TENM4: variants seen among roughly 807,000 people sequenced by gnomAD.
TENM4 encodes teneurin-4.
Under a neutral mutation model 243.3 loss-of-function variants are expected in TENM4, and 82 were observed. That is an observed-to-expected ratio of 0.34 (90% CI 0.28 to 0.40). TENM4 has a LOEUF of 0.40. Ranked by LOEUF, TENM4 falls within the 10% of genes least tolerant of loss-of-function variation. The pLI is 1.00. For synonymous variants in TENM4, 1,412 were observed against 1,456.3 expected (o/e 0.97, Z 0.69); for missense variants, 3,138 against 3,673.3 (o/e 0.85, Z 3.77).
intron 6 of TENM4, among the ~76,000 whole-genome samples, chr11:78,983,657 T>G (rs894706588): frequency 6.6e-6 from 1 of 152,188 alleles, no homozygotes; most frequent in African/African-American, 2.4e-5. Flanking sequence ...AGCCTGGCAG[T>G]GGGGACACGC....
intron 6 of TENM4, among the ~76,000 whole-genome samples, chr11:78,966,148 C>T (rs1259676823): frequency 6.9e-6 from 1 of 145,316 alleles, no homozygotes. Flanking sequence ...GGGTAAATTA[C>T]TTTGCCCTTT....
At chr11:78,833,124 T>C (rs566649379) in intron 12 of TENM4, among the ~76,000 whole-genome samples, 1 of 148,348 alleles carries the variant, frequency 6.7e-6, no homozygotes, top group African/African-American at 2.6e-5. Flanking sequence ...CTCTGTAGCA[T>C]TAAAATGTTT....
chr11:79,027,826 G>A (rs1344640988), intron 6 of TENM4, among the ~76,000 whole-genome samples: 1 of 152,140 alleles, frequency 6.6e-6, no homozygotes, highest in African/African-American at 2.4e-5. Flanking sequence ...GCTGGTGCCT[G>A]TTGGGCTACA....
chr11:78,854,344 TG>T, intron 11 of TENM4, 30 bp from the exon 12 acceptor site: 2 of 1,471,728 alleles, frequency 1.4e-6, no homozygotes, highest in Non-Finnish European at 9.0e-7. Flanking sequence ...CAGTTAGCAG[TG>T]GGTCTGTTCC....
intron 1 of TENM4, among the ~76,000 whole-genome samples, chr11:79,342,411 G>A (rs1024408758): frequency 3.9e-5 from 6 of 152,168 alleles, no homozygotes; most frequent in African/African-American, 1.4e-4. Context: ...TGGACTTTGT[G>A]GCTAAGACCA....
intron 2 of TENM4, among the ~76,000 whole-genome samples, chr11:79,258,398 A>C (rs1303045648): frequency 6.6e-6 from 1 of 152,208 alleles, no homozygotes; most frequent in Non-Finnish European, 1.5e-5. Flanking sequence ...GCTAGTAGGC[A>C]GTGGGGCCTC....
At chr11:78,815,371 G>A (rs1376648562) in intron 12 of TENM4, among the ~76,000 whole-genome samples, 1 of 150,638 alleles carries the variant, frequency 6.6e-6, no homozygotes, top group African/African-American at 2.4e-5. Flanking sequence ...GGGCAACAGA[G>A]TGAGACTGTG....
chr11:78,748,359 G>A (rs746095926), intron 19 of TENM4, among the ~76,000 whole-genome samples: 22 of 152,184 alleles, frequency 1.4e-4, no homozygotes, highest in Non-Finnish European at 7.3e-5. Context: ...CTTGTCTAAG[G>A]TCACACAGCT....
At chr11:79,180,429 G>A (rs1220745650) in intron 3 of TENM4, among the ~76,000 whole-genome samples, 3 of 151,610 alleles carry the variant, frequency 2.0e-5, no homozygotes, top group Non-Finnish European at 3.0e-5. Flanking sequence ...CAACAGCCAA[G>A]TAGTCAGGCA....
chr11:79,162,262 T>C (rs1201025805), intron 3 of TENM4, among the ~76,000 whole-genome samples: 1 of 152,200 alleles, frequency 6.6e-6, no homozygotes. Flanking sequence ...AGTTACTAGT[T>C]CTGTGATATG....
At chr11:79,220,828 T>A (rs1864141861) in intron 2 of TENM4, among the ~76,000 whole-genome samples, 1 of 152,210 alleles carries the variant, frequency 6.6e-6, no homozygotes, top group African/African-American at 2.4e-5. Context: ...TATTTTGAGA[T>A]CTGTACAAAC....
chr11:78,845,582 C>G (rs1858371930), intron 12 of TENM4, among the ~76,000 whole-genome samples: 1 of 152,182 alleles, frequency 6.6e-6, no homozygotes. Flanking sequence ...ATGTTACTTG[C>G]AGCTAGGTTA....
intron 2 of TENM4, among the ~76,000 whole-genome samples, chr11:79,242,153 G>A (rs1053204079): frequency 1.3e-5 from 2 of 152,192 alleles, no homozygotes; most frequent in Non-Finnish European, 2.9e-5. Flanking sequence ...GGCCTTCCTC[G>A]ACAGGGGCTC....
At chr11:78,687,881 A>G (rs1173184096) in intron 29 of TENM4, among the ~76,000 whole-genome samples, 173 bp downstream of exon 29, 1 of 152,138 alleles carries the variant, frequency 6.6e-6, no homozygotes, top group East Asian at 1.9e-4. Flanking sequence ...TCTGAGAGGG[A>G]ATTTACTTGA....
intron 6 of TENM4, among the ~76,000 whole-genome samples, chr11:78,993,732 G>A (rs1346208694): frequency 2.0e-5 from 3 of 152,122 alleles, no homozygotes; most frequent in African/African-American, 7.2e-5. Flanking sequence ...TCTCTATGAA[G>A]ATGTTCTGTT....
At chr11:78,994,549 G>C (rs992579282) in intron 6 of TENM4, among the ~76,000 whole-genome samples, 2 of 152,216 alleles carry the variant, frequency 1.3e-5, no homozygotes, top group African/African-American at 4.8e-5. Flanking sequence ...GGAAGCCATA[G>C]CTTTGTGCTG....
chr11:78,720,198 C>T (rs1005654043), intron 25 of TENM4, among the ~76,000 whole-genome samples, 172 bp downstream of exon 25: 1 of 152,306 alleles, frequency 6.6e-6, no homozygotes, highest in Middle Eastern at 3.4e-3. Flanking sequence ...CTCCTGCCAC[C>T]CATTCTTGCC....
At chr11:78,736,483 C>CAT (rs1855799493) in intron 20 of TENM4, among the ~76,000 whole-genome samples, 1 of 132,478 alleles carries the variant, frequency 7.5e-6, no homozygotes, top group African/African-American at 3.5e-5. Context: ...TGTGTGTGCG[C>CAT]GCGCGTGCAT....
At chr11:79,387,974 A>G (rs1858152652) in intron 1 of TENM4, among the ~76,000 whole-genome samples, 1 of 152,332 alleles carries the variant, frequency 6.6e-6, no homozygotes, top group East Asian at 1.9e-4. Context: ...CTGGGTGACA[A>G]TAAGACCCTG....
Sources: gnomAD v4.1 joint callset for allele counts (sites outside exome capture counted in the v4.1 genomes callset) on GRCh38, gnomAD v4.1.1 for gene constraint, MANE v1.5 for transcripts, NCBI Gene and HGNC (gene_info 2026-07-23, HGNC 2026-07-21) for gene names.